Variants in PINK1 observed in about 807,000 individuals in gnomAD.
PINK1 encodes the protein PTEN induced kinase 1.
In PINK1, 58 loss-of-function variants were observed where a neutral mutation model predicts 56.0. The ratio of observed to expected loss-of-function variants is 1.04; its 90% CI spans 0.84 to 1.29. PINK1 has a LOEUF of 1.29. Among genes scored for constraint, PINK1 ranks in the 50% most tolerant of loss-of-function variants. The probability of loss-of-function intolerance (pLI) is 0.00; values close to 1 mark genes in which losing one functional copy is unlikely to be tolerated. For missense variants in PINK1, 745 were observed against 777.9 expected (o/e 0.96, Z 0.50); for synonymous variants, 354 against 339.3 (o/e 1.04, Z -0.48).
intron 5 of PINK1, among the ~76,000 whole-genome samples, chr1:20,646,622 G>A (rs901690064): frequency 5.4e-5 from 8 of 148,954 alleles, no homozygotes; most frequent in Admixed American, 1.4e-4. Flanking sequence ...CCAGCCTGGC[G>A]ACAGAGTGAG....
At chr1:20,635,857 TAAAAAATA>T (rs138749396) in intron 1 of PINK1, among the ~76,000 whole-genome samples, 84,952 of 150,806 alleles carry the variant, frequency 0.56, 24,121 homozygotes, top group Middle Eastern at 0.7. Context: ...TCAAAAAAAA[TAAAAAATA>T]AAAAAATAAA....
chr1:20,638,643 AAACAAAAC>A, intron 2 of PINK1: 1 of 103,990 alleles, frequency 9.6e-6, no homozygotes, highest in Non-Finnish European at 1.8e-5. Context: ...CCCTGTCTCA[AAACAAAAC>A]AAACAAACAA....
chr1:20,649,369 C>T (rs2053235508), intron 7 of PINK1, 138 bp downstream of exon 7: 1 of 883,706 alleles, frequency 1.1e-6, no homozygotes, highest in Non-Finnish European at 1.8e-6. Flanking sequence ...TACAAGAGAA[C>T]AAAAAACAGA....
In PINK1 at chr1:20,641,053, C is replaced by G. The variant is rs781380002; in HGVS notation, c.776+1061C>G. 8.6e-5 allele frequency among the ~76,000 whole-genome samples: 13 copies of G among 152,040 alleles called. No individual in the cohort carries two copies. Among genetic ancestry groups the G allele is most frequent in the Non-Finnish European group, 1.8e-4 (12 of 68,002 alleles). On this transcript the variant is annotated intron_variant, in intron 3 of 7. Coordinates refer to ENST00000321556, the MANE Select transcript of PINK1 (RefSeq NM_032409.3). This position sits in a 1 kb window ranked among gnomAD's most constrained non-coding sequence, Gnocchi z 4.0. ...AGACCCTGTCTCTCATTTGTAGACC[C>G]ACCAAGAAGAGGTGGGTCTGCTGCA...
Position 20,633,843 on chromosome 1 carries a change from G to T in PINK1, c.295G>T (p.Ala99Ser). The change falls in exon 1 of 8, where the codon GCA (alanine) becomes TCA (serine). Residue 99 changes from alanine (A) to serine (S), a missense_variant. Transcript: ENST00000321556. ...GGGCTGCGCGGGCCCTTGCGGCCGG[G>T]CAGTCTTTCTGGCCTTCGGGCTAGG... ...AWGCAGPCGR[A>S]VFLAFGLGLG... The T allele has an allele frequency of 1.3e-6, 2 of 1,578,732 alleles. No homozygotes were observed. Among genetic ancestry groups the T allele is most frequent in the African/African-American group, 1.3e-5 (1 of 74,464 alleles).
chr1:20,648,064 C>T (rs1474781653), intron 5 of PINK1, among the ~76,000 whole-genome samples: 1 of 152,156 alleles, frequency 6.6e-6, no homozygotes, highest in African/African-American at 2.4e-5. Context: ...ATCTACCCGC[C>T]TCGGCCTCCC....
intron 2 of PINK1, chr1:20,638,866 A>G (rs2053084357): frequency 6.5e-6 from 1 of 152,892 alleles, no homozygotes; most frequent in Non-Finnish European, 1.5e-5. Context: ...GAGAGGGGGA[A>G]CTGGATCTCT....
rs750332155 is a variant in PINK1 at position 20,639,992 on chromosome 1, G to A, written c.776G>A (p.Arg259Lys). Residue 259 changes from arginine (R) to lysine (K), a missense_variant and splice_region_variant, in exon 3 of 8, where the codon AGA (arginine) becomes AAA (lysine). By Grantham distance (26) the Arg-to-Lys change is conservative. Coordinates refer to ENST00000321556, the MANE Select transcript of PINK1 (RefSeq NM_032409.3). ...LAGEYGAVTY[R>K]KSKRGPKQLA... ...GGGGAGTATGGAGCAGTCACTTACA[G>A]GTAAGTGCCCTCTGCCTGCCAGACT... The A allele has an allele frequency of 6.2e-7, 1 of 1,601,370 alleles. No individual in the cohort carries two copies. Among genetic ancestry groups the A allele is most frequent in the South Asian group, 1.1e-5 (1 of 88,736 alleles).
chr1:20,634,055 G>T, intron 1 of PINK1, 120 bp downstream of exon 1: 1 of 1,228,624 alleles, frequency 8.1e-7, no homozygotes, highest in South Asian at 1.4e-5. Context: ...CGAGGGCCGA[G>T]GCGAGGGTCC....
At chr1:20,634,066 T>C (rs2053028738) in intron 1 of PINK1, 131 bp downstream of exon 1, 1 of 1,082,556 alleles carries the variant, frequency 9.2e-7, no homozygotes, top group Non-Finnish European at 1.3e-6. Context: ...GCGAGGGTCC[T>C]TAAAGCTCAT....
chr1:20,638,534 C>T, intron 2 of PINK1: 1 of 258,274 alleles, frequency 3.9e-6, no homozygotes, highest in Non-Finnish European at 7.5e-6. Flanking sequence ...ACTTGGGTGG[C>T]TGGTGGCTGA....
At position 20,633,722 on chromosome 1, in the gene PINK1, G is replaced by C; in HGVS notation, c.174G>C (p.Arg58Ser). ...CAGGACCGGGCGCGGAGCCTCGCAG[G>C]GTCGGGCTCGGGCTCCCTAACCGTC... ...WAAGPGAEPR[R>S]VGLGLPNRLR... The change falls in exon 1 of 8, where the codon AGG becomes AGC. Residue 58 changes from arginine to serine, a missense_variant. Transcript: ENST00000321556. 6.5e-7 allele frequency: 1 copy of C among 1,530,196 alleles called. No individual in the cohort carries two copies. Among genetic ancestry groups the C allele is most frequent in the East Asian group, 2.5e-5 (1 of 40,416 alleles). 94.8% of individuals were successfully genotyped at this position (1,530,196 alleles called of 1,614,324 possible). A position where few individuals can be genotyped will look rare whatever the true frequency, so the allele number is the denominator to read the frequency against.
At chr1:20,648,264 T>G (rs1489619344) in intron 5 of PINK1, 1 of 560,590 alleles carries the variant, frequency 1.8e-6, no homozygotes, top group Admixed American at 2.9e-5. Context: ...GAACATGATT[T>G]AAATTGAGCC....
intron 5 of PINK1, among the ~76,000 whole-genome samples, chr1:20,647,474 T>TG (rs2053198130): frequency 7.2e-6 from 1 of 139,138 alleles, no homozygotes; most frequent in South Asian, 2.4e-4. Context: ...GGCTTTTTTT[T>TG]TTTTTTTTTT....
chr1:20,635,277 C>T (rs1243238400), intron 1 of PINK1, among the ~76,000 whole-genome samples: 1 of 151,574 alleles, frequency 6.6e-6, no homozygotes, highest in East Asian at 1.9e-4. Flanking sequence ...CTGAGGCGGG[C>T]GGATCACGAG....
At chr1:20,640,058 G>A in intron 3 of PINK1, 66 bp downstream of exon 3, 1 of 1,303,800 alleles carries the variant, frequency 7.7e-7, no homozygotes, top group Non-Finnish European at 1.1e-6. Flanking sequence ...CATCACTTAT[G>A]TCCTCAGCAC....
In PINK1 at chr1:20,641,318, A is replaced by C. The variant is rs2053113927; in HGVS notation, c.776+1326A>C. On this transcript the variant is annotated intron_variant, in intron 3 of 7. Transcript: ENST00000321556. This position sits in a 1 kb window ranked among gnomAD's most constrained non-coding sequence, Gnocchi z 4.0. ...TGTCAGCTGCTTTGGGGCTAACATG[A>C]TCCTTGATGCCTCCTTTTGTGGCAT... Among the ~76,000 whole-genome samples the C allele has an allele frequency of 6.6e-6, 1 of 151,944 alleles. No homozygotes were observed. The highest frequency in any genetic ancestry group is 1.5e-5 in the Non-Finnish European group (1 of 67,994).
At position 20,645,577 on chromosome 1, in the gene PINK1, G is replaced by T. The variant is rs142028165; in HGVS notation, c.977G>T (p.Arg326Leu). The change falls in exon 5 of 8, where the codon CGC (arginine) becomes CTC (leucine). Residue 326 changes from arginine (R) to leucine (L), a missense_variant. Arg to Leu is a moderately radical substitution (Grantham distance 102). Transcript: ENST00000321556. ...LVMKNYPCTL[R>L]QYLCVNTPSP... is the part of the protein sequence containing the mutation. The stretch of plus-strand genomic sequence containing the variant: ...TCCGCCAGCTATCCCTGTACCCTGC[G>T]CCAGTACCTTTGTGTGAACACACCC... 1 of 1,612,760 alleles carries T rather than the reference G, an allele frequency of 6.2e-7. No homozygotes were observed. The highest frequency in any genetic ancestry group is 2.2e-5 in the East Asian group (1 of 44,848).
chr1:20,641,993 A>G lies in PINK1; in HGVS notation c.776+2001A>G, dbSNP rs2053119937. Among the ~76,000 whole-genome samples, 1 of 152,050 alleles carries G rather than the reference A, an allele frequency of 6.6e-6. No individual in the cohort carries two copies. The highest frequency in any genetic ancestry group is 1.5e-5 in the Non-Finnish European group (1 of 68,012). On this transcript the variant is annotated intron_variant, in intron 3 of 7. Transcript: ENST00000321556. This position sits in a 1 kb window ranked among gnomAD's most constrained non-coding sequence, Gnocchi z 4.0. ...GCCCTGACAGCCTGGGGCTGTGATC[A>G]TGACTTGCCCAGGGGCCCGAGGGTG...
Sources: allele counts gnomAD v4.1 joint callset (sites outside exome capture counted in the v4.1 genomes callset), GRCh38; gene constraint gnomAD v4.1.1; non-coding constraint Gnocchi (gnomAD v3.1); transcripts MANE v1.5; gene names NCBI Gene and HGNC (gene_info 2026-07-23, HGNC 2026-07-21).